Variants in RERE observed in about 807,000 individuals in gnomAD.
RERE encodes the protein arginine-glutamic acid dipeptide repeats.
A neutral mutation model predicts 146.1 loss-of-function variants in RERE; 40 were observed. The ratio of observed to expected loss-of-function variants is 0.27; its 90% CI spans 0.21 to 0.36. RERE has a LOEUF of 0.36. Among genes scored for constraint, RERE ranks in the 10% least tolerant of loss-of-function variants. The pLI, the probability that RERE is intolerant of heterozygous loss-of-function variation, is 1.00. For missense variants in RERE, 1,933 were observed against 2,138.7 expected (o/e 0.90, Z 1.90); for synonymous variants, 1,003 against 866.0 (o/e 1.16, Z -2.78).
intron 1 of RERE, among the ~76,000 whole-genome samples, chr1:8,737,989 A>T (rs1397517726): frequency 6.6e-6 from 1 of 152,222 alleles, no homozygotes; most frequent in Non-Finnish European, 1.5e-5. Context: ...ACACTGTGGA[A>T]TATAAGGATG....
intron 1 of RERE, among the ~76,000 whole-genome samples, chr1:8,687,625 A>G (rs1639119494): frequency 6.6e-6 from 1 of 152,208 alleles, no homozygotes; most frequent in African/African-American, 2.4e-5. Flanking sequence ...TGAATATACA[A>G]TACTTGGGGA....
At chr1:8,811,802 T>C (rs1182672461) in intron 1 of RERE, among the ~76,000 whole-genome samples, 1 of 152,228 alleles carries the variant, frequency 6.6e-6, no homozygotes, top group Admixed American at 6.5e-5. Flanking sequence ...TCTTTTAAGG[T>C]TAGTCCAGGC....
At chr1:8,487,355 G>C (rs1392504363) in intron 10 of RERE, among the ~76,000 whole-genome samples, 1 of 152,058 alleles carries the variant, frequency 6.6e-6, no homozygotes, top group African/African-American at 2.4e-5. Context: ...AGCTGAGGAG[G>C]ATCACTTGGG....
At chr1:8,662,359 A>T (rs942124435) in intron 1 of RERE, among the ~76,000 whole-genome samples, 9 of 152,244 alleles carry the variant, frequency 5.9e-5, no homozygotes, top group African/African-American at 2.2e-4. Context: ...AGTCATACTC[A>T]TGGTCCAAAT....
At chr1:8,791,979 A>C (rs1641372736) in intron 1 of RERE, among the ~76,000 whole-genome samples, 1 of 152,108 alleles carries the variant, frequency 6.6e-6, no homozygotes, top group African/African-American at 2.4e-5. Flanking sequence ...TGTAATCCTA[A>C]TACTTTGGAA....
chr1:8,538,281 C>T (rs1366569578), intron 7 of RERE, among the ~76,000 whole-genome samples: 1 of 152,150 alleles, frequency 6.6e-6, no homozygotes, highest in Non-Finnish European at 1.5e-5. Context: ...TATGTAGCCA[C>T]GACTACTTAC....
intron 1 of RERE, among the ~76,000 whole-genome samples, chr1:8,687,897 T>C (rs1478007734): frequency 6.6e-6 from 1 of 152,230 alleles, no homozygotes; most frequent in Non-Finnish European, 1.5e-5. Flanking sequence ...TTAGTTTAGT[T>C]ATATTCTTAT....
At chr1:8,481,856 T>C (rs972717298) in intron 10 of RERE, among the ~76,000 whole-genome samples, 2 of 152,212 alleles carry the variant, frequency 1.3e-5, no homozygotes, top group Admixed American at 1.3e-4. Flanking sequence ...GACATTCTTA[T>C]AAGCTGAGAC....
Position 8,359,907 on chromosome 1 carries a change from GCTTGGA to G in RERE, c.3469_3474del (p.Ser1157_Lys1158del). 6.2e-7 allele frequency: 1 copy of G among 1,613,286 alleles called. No individual in the cohort carries two copies. Among genetic ancestry groups the G allele is most frequent in the Non-Finnish European group, 8.5e-7 (1 of 1,180,028 alleles). On this transcript the variant is annotated inframe_deletion, in exon 19 of 23. Transcript: ENST00000400908. ...ATGGCCTCCTCCCTCTTCTTGGCCA[GCTTGGA>G]CCCGGCCAGAGGCATGAAGTACAGG...
At chr1:8,383,612 G>T (rs1023006157) in intron 12 of RERE, among the ~76,000 whole-genome samples, 2 of 152,136 alleles carry the variant, frequency 1.3e-5, no homozygotes, top group Admixed American at 6.5e-5. Flanking sequence ...TGTAATCCCA[G>T]CACTTTGGGA....
intron 4 of RERE, among the ~76,000 whole-genome samples, chr1:8,577,213 TTTG>T (rs1646307268): frequency 6.6e-6 from 1 of 152,032 alleles, no homozygotes; most frequent in South Asian, 2.1e-4. Flanking sequence ...TTTGAATTTT[TTTG>T]TTTTTTTAAA....
chr1:8,681,361 A>C (rs897769799), intron 1 of RERE, among the ~76,000 whole-genome samples: 1 of 152,204 alleles, frequency 6.6e-6, no homozygotes, highest in Non-Finnish European at 1.5e-5. Flanking sequence ...AGGAGCTCTG[A>C]AAATGAGGTT....
At chr1:8,365,071 C>G (rs537875040) in intron 13 of RERE, among the ~76,000 whole-genome samples, 1 of 152,332 alleles carries the variant, frequency 6.6e-6, no homozygotes, top group South Asian at 2.1e-4. Flanking sequence ...GTGTGAGGCG[C>G]CATACCCAAG....
At chr1:8,601,071 G>A (rs1646618157) in intron 4 of RERE, among the ~76,000 whole-genome samples, 1 of 139,264 alleles carries the variant, frequency 7.2e-6, no homozygotes, top group African/African-American at 2.6e-5. Flanking sequence ...CCAGGTTGGA[G>A]TGCAGTGGTG....
intron 1 of RERE, among the ~76,000 whole-genome samples, chr1:8,789,728 GTTCTCTT>G (rs1641330223): frequency 6.6e-6 from 1 of 152,028 alleles, no homozygotes; most frequent in Non-Finnish European, 1.5e-5. Context: ...CTTCAACCAG[GTTCTCTT>G]TACTGAACGC....
intron 1 of RERE, chr1:8,750,915 A>G (rs1640519492): frequency 1.2e-6 from 1 of 823,542 alleles, no homozygotes; most frequent in Non-Finnish European, 2.1e-6. Context: ...GGCAAAATCA[A>G]TAAGCAAATT....
intron 1 of RERE, among the ~76,000 whole-genome samples, chr1:8,773,653 G>T (rs747923905): frequency 2.0e-5 from 3 of 152,136 alleles, no homozygotes; most frequent in Non-Finnish European, 2.9e-5. Context: ...GTGAAACCCT[G>T]TCTCTACTAA....
chr1:8,804,997 TTTTGTTTTTGG>T (rs1641657956), intron 1 of RERE, among the ~76,000 whole-genome samples: 5 of 136,992 alleles, frequency 3.6e-5, no homozygotes, highest in East Asian at 2.3e-4. Context: ...TTTTGTTTTG[TTTTGTTTTTGG>T]TTTTTTTTTT....
intron 12 of RERE, among the ~76,000 whole-genome samples, chr1:8,419,430 G>A (rs1279037886): frequency 2.0e-5 from 3 of 152,182 alleles, no homozygotes; most frequent in Non-Finnish European, 2.9e-5. Context: ...TGCTATAACC[G>A]CATGAATGAA....
Sources: gnomAD v4.1 joint callset for allele counts (sites outside exome capture counted in the v4.1 genomes callset) on GRCh38, gnomAD v4.1.1 for gene constraint, MANE v1.5 for transcripts, NCBI Gene and HGNC (gene_info 2026-07-23, HGNC 2026-07-21) for gene names.